RIMS2: variants seen among roughly 807,000 people sequenced by gnomAD.
RIMS2 encodes regulating synaptic membrane exocytosis protein 2.
RIMS2 carries 59 observed loss-of-function variants against 174.4 expected under a neutral mutation model. The ratio of observed to expected loss-of-function variants is 0.34; its 90% CI spans 0.27 to 0.42. The LOEUF (loss-of-function observed/expected upper bound fraction) is 0.42. Among genes scored for constraint, RIMS2 ranks in the 10% least tolerant of loss-of-function variants. RIMS2 has a pLI of 1.00. For missense variants in RIMS2, 1,620 were observed against 1,666.3 expected (o/e 0.97, Z 0.48); for synonymous variants, 606 against 572.5 (o/e 1.06, Z -0.84).
chr8:103,928,931 A>T (rs1410360733), intron 11 of RIMS2, among the ~76,000 whole-genome samples: 1 of 151,614 alleles, frequency 6.6e-6, no homozygotes, highest in Non-Finnish European at 1.5e-5. Flanking sequence ...TAAGAAATTA[A>T]GAATGTTATA....
At chr8:103,829,985 G>A (rs964043430) in intron 3 of RIMS2, among the ~76,000 whole-genome samples, 1 of 152,056 alleles carries the variant, frequency 6.6e-6, no homozygotes, top group Admixed American at 6.6e-5. Context: ...GGTCAGTTAT[G>A]TTTTTCAGTA....
At chr8:104,091,086 A>C (rs1188939925) in intron 19 of RIMS2, among the ~76,000 whole-genome samples, 1 of 151,780 alleles carries the variant, frequency 6.6e-6, no homozygotes, top group Non-Finnish European at 1.5e-5. Flanking sequence ...AGGCACAATT[A>C]TTATCCATAT....
At chr8:104,148,775 C>T in intron 19 of RIMS2, 3 of 1,598,394 alleles carry the variant, frequency 1.9e-6, no homozygotes, top group Non-Finnish European at 2.5e-6. Context: ...GGCGCTCTAG[C>T]CTTGGTGCCA....
chr8:103,936,189 T>C (rs1420704633), intron 12 of RIMS2, among the ~76,000 whole-genome samples: 1 of 152,158 alleles, frequency 6.6e-6, no homozygotes, highest in East Asian at 1.9e-4. Context: ...ATATGTAATG[T>C]TACTGGTTAA....
At chr8:104,084,204 G>A (rs1281469271) in intron 19 of RIMS2, among the ~76,000 whole-genome samples, 1 of 151,944 alleles carries the variant, frequency 6.6e-6, no homozygotes, top group Admixed American at 6.6e-5. Context: ...AATTTGGGAG[G>A]CCGAGGCGGG....
At chr8:103,728,244 G>A (rs957719667) in intron 2 of RIMS2, among the ~76,000 whole-genome samples, 2 of 151,964 alleles carry the variant, frequency 1.3e-5, no homozygotes, top group African/African-American at 4.8e-5. Flanking sequence ...ATTTTTTACT[G>A]TTGGCATATA....
intron 1 of RIMS2, among the ~76,000 whole-genome samples, chr8:103,681,805 A>C (rs1480930729): frequency 6.6e-6 from 1 of 152,024 alleles, no homozygotes; most frequent in African/African-American, 2.4e-5. Flanking sequence ...TGCAGTGTAC[A>C]GAGTAGATTG....
intron 1 of RIMS2, among the ~76,000 whole-genome samples, chr8:103,664,647 G>T (rs1216202773): frequency 1.3e-5 from 2 of 152,304 alleles, no homozygotes; most frequent in East Asian, 3.9e-4. Flanking sequence ...AGAGGATGTG[G>T]AGAAATAGGA....
At chr8:103,891,496 G>A (rs2099245115) in intron 4 of RIMS2, among the ~76,000 whole-genome samples, 1 of 151,926 alleles carries the variant, frequency 6.6e-6, no homozygotes, top group Non-Finnish European at 1.5e-5. Flanking sequence ...TAATTAAATA[G>A]CCATGTTGTC....
intron 1 of RIMS2, among the ~76,000 whole-genome samples, chr8:103,546,456 A>G (rs1845151077): frequency 6.6e-6 from 1 of 152,196 alleles, no homozygotes; most frequent in African/African-American, 2.4e-5. Flanking sequence ...CCCCATGGAC[A>G]GTATTAGAGA....
chr8:104,168,905 C>T (rs567465641), intron 19 of RIMS2, among the ~76,000 whole-genome samples: 3 of 151,866 alleles, frequency 2.0e-5, no homozygotes, highest in Admixed American at 6.6e-5. Flanking sequence ...TTGAGATGAT[C>T]GTATAATTTT....
intron 15 of RIMS2, among the ~76,000 whole-genome samples, chr8:103,973,384 G>A (rs930382489): frequency 6.6e-6 from 1 of 152,022 alleles, no homozygotes. Flanking sequence ...AAAACAGCAG[G>A]GCTTCTGGGA....
At chr8:103,624,805 C>A (rs1192218129) in intron 1 of RIMS2, among the ~76,000 whole-genome samples, 1 of 152,066 alleles carries the variant, frequency 6.6e-6, no homozygotes, top group African/African-American at 2.4e-5. Context: ...AAAGATAAGT[C>A]TTACGAGTGG....
chr8:103,965,159 A>G (rs1595961567), intron 15 of RIMS2, among the ~76,000 whole-genome samples: 1 of 152,240 alleles, frequency 6.6e-6, no homozygotes, highest in Non-Finnish European at 1.5e-5. Context: ...TCTCCATATG[A>G]GGTCTGGAAT....
chr8:103,759,108 A>G (rs2098073768), intron 2 of RIMS2, among the ~76,000 whole-genome samples: 1 of 152,184 alleles, frequency 6.6e-6, no homozygotes, highest in South Asian at 2.1e-4. Context: ...TCTTCTTTCC[A>G]GGCTTTGACT....
At chr8:103,857,963 T>G (rs1055985817) in intron 3 of RIMS2, among the ~76,000 whole-genome samples, 1 of 152,154 alleles carries the variant, frequency 6.6e-6, no homozygotes, top group Non-Finnish European at 1.5e-5. Context: ...TAAGGAGAAA[T>G]GTCTGAGCTG....
At chr8:104,185,504 G>A (rs147615321) in intron 19 of RIMS2, among the ~76,000 whole-genome samples, 1 of 151,536 alleles carries the variant, frequency 6.6e-6, no homozygotes, top group Non-Finnish European at 1.5e-5. Context: ...TACTAAAAGA[G>A]GGCCTTTGGC....
chr8:103,848,940 C>T (rs1332625558), intron 3 of RIMS2, among the ~76,000 whole-genome samples: 2 of 152,050 alleles, frequency 1.3e-5, no homozygotes, highest in African/African-American at 2.4e-5. Flanking sequence ...TTTTGACTCT[C>T]ATACTTTGAT....
chr8:104,244,431 A>G (rs1486561708), intron 19 of RIMS2, among the ~76,000 whole-genome samples: 2 of 152,108 alleles, frequency 1.3e-5, no homozygotes, highest in African/African-American at 4.8e-5. Flanking sequence ...AAAAGTTAAG[A>G]CTGGAATTTG....
Sources: gnomAD v4.1 joint callset for allele counts (sites outside exome capture counted in the v4.1 genomes callset) on GRCh38, gnomAD v4.1.1 for gene constraint, MANE v1.5 for transcripts, NCBI Gene and HGNC (gene_info 2026-07-23, HGNC 2026-07-21) for gene names.